The following CSGALNACT1 variants were observed in gnomAD, a reference collection of about 807,000 sequenced individuals.
CSGALNACT1 encodes the protein beta4GalNAcT-1.
A neutral mutation model predicts 51.0 loss-of-function variants in CSGALNACT1; 52 were observed. The observed-to-expected ratio is 1.02, with a 90% CI of 0.82 to 1.29. The LOEUF (loss-of-function observed/expected upper bound fraction) is 1.29, where lower values mean the gene tolerates loss of function less well. Among genes scored for constraint, CSGALNACT1 ranks in the 50% most tolerant of loss-of-function variants. The pLI is 0.00. For missense variants in CSGALNACT1, 935 were observed against 679.2 expected, an observed-to-expected ratio of 1.38 and a Z score of -4.19; for synonymous variants, 341 against 254.4, an observed-to-expected ratio of 1.34 and a Z score of -3.24.
At chr8:19,545,921 G>A (rs1403082169) in intron 3 of CSGALNACT1, among the ~76,000 whole-genome samples, 1 of 150,130 alleles carries the variant, frequency 6.7e-6, no homozygotes, top group Non-Finnish European at 1.5e-5. Context: ...TTCTAAAACA[G>A]CAAAACAATG....
chr8:19,538,224 G>A (rs1247347115), intron 3 of CSGALNACT1, among the ~76,000 whole-genome samples: 1 of 152,186 alleles, frequency 6.6e-6, no homozygotes, highest in Non-Finnish European at 1.5e-5. Flanking sequence ...CTAGCTACTT[G>A]AAAGGCTGAG....
chr8:19,464,942 A>G (rs1425211776), intron 4 of CSGALNACT1, among the ~76,000 whole-genome samples: 1 of 152,184 alleles, frequency 6.6e-6, no homozygotes, highest in Non-Finnish European at 1.5e-5. Context: ...ACTTCCTCAC[A>G]AAGTTAAACA....
intron 4 of CSGALNACT1, among the ~76,000 whole-genome samples, chr8:19,492,483 G>A (rs1001864363): frequency 3.9e-5 from 6 of 152,206 alleles, no homozygotes; most frequent in African/African-American, 1.4e-4. Flanking sequence ...TGTCTAGTAT[G>A]AACTTCAAAC....
chr8:19,506,166 A>G lies in CSGALNACT1; in HGVS notation c.-296-36T>C, dbSNP rs2077289799. 9.4e-6 allele frequency: 5 copies of G among 532,230 alleles called. No homozygotes were observed. The East Asian group carries it at 2.3e-4, about 24-fold the overall frequency. 33.0% of individuals were successfully genotyped at this position (532,230 alleles called of 1,614,324 possible). ...ACACAAATGACATCAACACTTAATC[A>G]AGACAACGACTCCCTCATGTTCCCT... On this transcript the variant is annotated intron_variant, in intron 3 of 9. Transcript: ENST00000454498.
intron 1 of CSGALNACT1, among the ~76,000 whole-genome samples, chr8:19,619,627 T>C (rs1489960210): frequency 2.6e-5 from 4 of 152,138 alleles, no homozygotes; most frequent in Non-Finnish European, 5.9e-5. Flanking sequence ...CAGTGATTGT[T>C]GTCACATAGG....
At chr8:19,415,456 G>A (rs1408614577) in intron 8 of CSGALNACT1, among the ~76,000 whole-genome samples, 2 of 152,142 alleles carry the variant, frequency 1.3e-5, no homozygotes, top group African/African-American at 4.8e-5. Flanking sequence ...ATTGCATTTG[G>A]AAGTAAATGT....
chr8:19,598,525 T>C (rs546030417), intron 2 of CSGALNACT1, among the ~76,000 whole-genome samples: 2 of 152,326 alleles, frequency 1.3e-5, no homozygotes, highest in East Asian at 3.9e-4. Flanking sequence ...AGTTAGTACA[T>C]TAGAGTTTTA....
At chr8:19,472,481 A>C (rs1187017553) in intron 4 of CSGALNACT1, among the ~76,000 whole-genome samples, 1 of 152,214 alleles carries the variant, frequency 6.6e-6, no homozygotes, top group Non-Finnish European at 1.5e-5. Context: ...CCTGTTCACA[A>C]ATATTATCTT....
intron 2 of CSGALNACT1, among the ~76,000 whole-genome samples, chr8:19,591,636 G>A (rs1187160148): frequency 1.3e-5 from 2 of 152,082 alleles, no homozygotes; most frequent in Non-Finnish European, 2.9e-5. Context: ...TAAAAAATAA[G>A]CATTTAGGCT....
At chr8:19,435,991 A>G (rs1336015983) in intron 6 of CSGALNACT1, among the ~76,000 whole-genome samples, 2 of 152,142 alleles carry the variant, frequency 1.3e-5, no homozygotes, top group African/African-American at 4.8e-5. Flanking sequence ...TCACTTTTTA[A>G]AAATTGGACA....
intron 4 of CSGALNACT1, among the ~76,000 whole-genome samples, chr8:19,459,682 T>C (rs1484986395): frequency 1.3e-5 from 2 of 152,180 alleles, no homozygotes; most frequent in African/African-American, 4.8e-5. Flanking sequence ...ACAGGTTTGC[T>C]TTGAAAAATT....
At chr8:19,533,431 T>A (rs1332044744) in intron 3 of CSGALNACT1, among the ~76,000 whole-genome samples, 1 of 152,046 alleles carries the variant, frequency 6.6e-6, no homozygotes, top group Non-Finnish European at 1.5e-5. Flanking sequence ...TTTTAATTTA[T>A]CCTAATTTAA....
intron 1 of CSGALNACT1, among the ~76,000 whole-genome samples, chr8:19,647,845 A>G (rs1400620200): frequency 6.6e-6 from 1 of 152,196 alleles, no homozygotes; most frequent in Non-Finnish European, 1.5e-5. Context: ...TCCAAAACAA[A>G]AGCTATATGG....
intron 9 of CSGALNACT1, among the ~76,000 whole-genome samples, chr8:19,407,420 CCT>C (rs2054456635): frequency 6.6e-6 from 1 of 152,272 alleles, no homozygotes; most frequent in African/African-American, 2.4e-5. Flanking sequence ...GCACGGTCCC[CCT>C]GACTCCATCG....
intron 2 of CSGALNACT1, among the ~76,000 whole-genome samples, chr8:19,600,453 C>A (rs890072943): frequency 7.2e-5 from 11 of 152,142 alleles, no homozygotes; most frequent in African/African-American, 2.7e-4. Flanking sequence ...TTATGGTCTA[C>A]ATGGGGTTGT....
intron 3 of CSGALNACT1, among the ~76,000 whole-genome samples, chr8:19,547,665 A>T (rs1445737604): frequency 1.3e-5 from 2 of 152,314 alleles, no homozygotes; most frequent in African/African-American, 4.8e-5. Flanking sequence ...TCTCGGGTAT[A>T]TCTTTATTAG....
chr8:19,628,718 C>T (rs1011164660), intron 1 of CSGALNACT1, among the ~76,000 whole-genome samples: 12 of 151,776 alleles, frequency 7.9e-5, no homozygotes, highest in Admixed American at 3.3e-4. Flanking sequence ...CTGGCTCAAG[C>T]AATCTCTTCG....
intron 3 of CSGALNACT1, among the ~76,000 whole-genome samples, chr8:19,539,068 ATATTTT>A (rs2154067597): frequency 6.6e-6 from 1 of 152,150 alleles, no homozygotes; most frequent in East Asian, 1.9e-4. Context: ...TTTTCTTTTT[ATATTTT>A]TAGTGTATAT....
At chr8:19,676,157 A>C (rs2060177800) in intron 1 of CSGALNACT1, among the ~76,000 whole-genome samples, 1 of 151,894 alleles carries the variant, frequency 6.6e-6, no homozygotes, top group Non-Finnish European at 1.5e-5. Flanking sequence ...TAACATTCAC[A>C]ATGTTCAGGA....
Sources: allele counts gnomAD v4.1 joint callset (sites outside exome capture counted in the v4.1 genomes callset), GRCh38; gene constraint gnomAD v4.1.1; transcripts MANE v1.5; gene names NCBI Gene and HGNC (gene_info 2026-07-23, HGNC 2026-07-21).